Variants in ACTR3C observed in about 807,000 individuals in gnomAD.
ACTR3C encodes actin-related protein 3C.
Under a neutral mutation model 26.3 loss-of-function variants are expected in ACTR3C, and 18 were observed. The observed-to-expected ratio is 0.68, with a 90% confidence interval of 0.47 to 1.01. The LOEUF (loss-of-function observed/expected upper bound fraction) is 1.01, where lower values mean the gene tolerates loss of function less well. ACTR3C is among the 50% of genes least tolerant of loss of function. The pLI is 0.00. For synonymous variants in ACTR3C, 55 were observed against 94.5 expected (o/e 0.58, Z 2.42); for missense variants, 184 against 250.7 (o/e 0.73, Z 1.80).
the ACTR3C span, among the ~76,000 whole-genome samples, chr7:150,130,185 C>T: frequency 6.6e-6 from 1 of 152,090 alleles, no homozygotes; most frequent in African/African-American, 2.4e-5. Context: ...AACTGCATTA[C>T]AGAGCTAAAT....
the ACTR3C span, among the ~76,000 whole-genome samples, chr7:150,037,577 G>T: frequency 1.5e-5 from 1 of 67,526 alleles, no homozygotes; most frequent in Non-Finnish European, 3.1e-5. Context: ...AAGAACCCGG[G>T]GGGGAAGAGG....
the ACTR3C span, among the ~76,000 whole-genome samples, chr7:150,209,484 T>G: frequency 5.3e-5 from 8 of 150,966 alleles, no homozygotes; most frequent in Non-Finnish European, 4.4e-5. Flanking sequence ...AGATTGAACA[T>G]TTTTATTTAT....
chr7:150,129,976 T>G, the ACTR3C span, among the ~76,000 whole-genome samples: 1 of 152,172 alleles, frequency 6.6e-6, no homozygotes, highest in Non-Finnish European at 1.5e-5. Context: ...GTTGCAAAGG[T>G]AGTCAAATAG....
At chr7:150,258,023 C>A (rs1833346794) in intron 6 of ACTR3C, among the ~76,000 whole-genome samples, 4 of 152,070 alleles carry the variant, frequency 2.6e-5, no homozygotes, top group African/African-American at 9.7e-5. Flanking sequence ...GGGGGTGTGG[C>A]CCACAGGGAC....
intron 3 of ACTR3C, 21 bp from the exon 4 acceptor site, chr7:150,289,614 G>A: frequency 1.9e-6 from 3 of 1,563,976 alleles, no homozygotes; most frequent in Non-Finnish European, 2.6e-6. Flanking sequence ...AGAGGAGGCA[G>A]AACAGCTGTG....
the ACTR3C span, among the ~76,000 whole-genome samples, chr7:150,091,941 T>C: frequency 8.8e-6 from 1 of 113,790 alleles, no homozygotes; most frequent in Admixed American, 1.3e-4. Flanking sequence ...TGAGCCGAGA[T>C]CGCGCCACTG....
At chr7:150,026,041 C>T in the ACTR3C span, among the ~76,000 whole-genome samples, 1 of 152,066 alleles carries the variant, frequency 6.6e-6, no homozygotes, top group Non-Finnish European at 1.5e-5. Flanking sequence ...ATAATGAAAC[C>T]TCCCACACAA....
At chr7:149,962,140 T>C in the ACTR3C span, among the ~76,000 whole-genome samples, 2 of 151,878 alleles carry the variant, frequency 1.3e-5, no homozygotes, top group African/African-American at 2.4e-5. Context: ...AAATGTATGA[T>C]CACAGGATGT....
chr7:150,060,142 C>T, the ACTR3C span, among the ~76,000 whole-genome samples: 6 of 152,230 alleles, frequency 3.9e-5, no homozygotes, highest in Admixed American at 3.9e-4. Context: ...ATGTGAGTCT[C>T]GCTCCATATT....
At chr7:150,165,655 C>T in the ACTR3C span, among the ~76,000 whole-genome samples, 2 of 150,920 alleles carry the variant, frequency 1.3e-5, no homozygotes, top group Admixed American at 6.6e-5. Context: ...CCCAGCAGAG[C>T]AGCTGGAGTG....
At chr7:150,271,044 G>T (rs1834411405) in intron 6 of ACTR3C, among the ~76,000 whole-genome samples, 1 of 149,950 alleles carries the variant, frequency 6.7e-6, no homozygotes, top group African/African-American at 2.5e-5. Flanking sequence ...CAAACAGAAA[G>T]ACTCTGAAGC....
the ACTR3C span, among the ~76,000 whole-genome samples, chr7:149,998,707 C>T: frequency 1.3e-4 from 19 of 150,420 alleles, no homozygotes; most frequent in African/African-American, 4.6e-4. Context: ...ATGGGAGCTA[C>T]AATTCAAGGT....
chr7:150,065,416 C>A, the ACTR3C span, among the ~76,000 whole-genome samples: 504 of 152,292 alleles, frequency 3.3e-3, 4 homozygotes, highest in African/African-American at 0.011. Flanking sequence ...AAAGTGAACC[C>A]ATTACATGAC....
chr7:150,012,907 C>A, the ACTR3C span, among the ~76,000 whole-genome samples: 1 of 152,064 alleles, frequency 6.6e-6, no homozygotes, highest in African/African-American at 2.4e-5. Context: ...ACATTTAGAC[C>A]AAGGCTTCCC....
At chr7:150,190,857 G>A in the ACTR3C span, among the ~76,000 whole-genome samples, 1 of 152,128 alleles carries the variant, frequency 6.6e-6, no homozygotes, top group Non-Finnish European at 1.5e-5. Context: ...AAGCAAACAC[G>A]TCCTTCTTCA....
the ACTR3C span, among the ~76,000 whole-genome samples, chr7:149,967,479 A>G: frequency 6.6e-6 from 1 of 152,106 alleles, no homozygotes; most frequent in Admixed American, 6.5e-5. Flanking sequence ...GCCCATGTCT[A>G]TGTTTTCAAA....
At chr7:150,037,872 C>T in the ACTR3C span, among the ~76,000 whole-genome samples, 27 of 114,728 alleles carry the variant, frequency 2.4e-4, 1 homozygote, top group African/African-American at 8.3e-4. Context: ...GATGGGGGTC[C>T]TAAGAGCAAA....
At chr7:149,943,264 A>C in the ACTR3C span, among the ~76,000 whole-genome samples, 1 of 144,328 alleles carries the variant, frequency 6.9e-6, no homozygotes, top group East Asian at 2.0e-4. Context: ...TTGATGTAGA[A>C]TTTTGCTGAC....
chr7:150,069,320 C>A, the ACTR3C span, among the ~76,000 whole-genome samples: 10 of 152,186 alleles, frequency 6.6e-5, no homozygotes, highest in East Asian at 1.9e-4. Flanking sequence ...CGTTAAGAAA[C>A]CTTGCTTTAG....
Sources: gnomAD v4.1 joint callset for allele counts (sites outside exome capture counted in the v4.1 genomes callset) on GRCh38, gnomAD v4.1.1 for gene constraint, MANE v1.5 for transcripts, NCBI Gene and HGNC (gene_info 2026-07-23, HGNC 2026-07-21) for gene names.